Variants in SEMA3E observed in about 807,000 individuals in gnomAD.
SEMA3E encodes the protein semaphorin 3E.
Under a neutral mutation model 93.6 loss-of-function variants are expected in SEMA3E, and 49 were observed. The observed-to-expected ratio is 0.52, with a 90% CI of 0.42 to 0.66. SEMA3E has a LOEUF of 0.66. SEMA3E is among the 30% of genes least tolerant of loss of function. SEMA3E has a pLI of 0.00. For synonymous variants in SEMA3E, 363 were observed against 330.7 expected (o/e 1.10, Z -1.06); for missense variants, 906 against 964.8 (o/e 0.94, Z 0.81).
chr7:83,526,980 C>CT (rs3837130), intron 1 of SEMA3E, among the ~76,000 whole-genome samples: 18,006 of 151,886 alleles, frequency 0.12, 1,390 homozygotes, highest in South Asian at 0.21. Flanking sequence ...GTGTGACCTT[C>CT]TTTGCAAATA....
intron 9 of SEMA3E, 55 bp from the exon 10 acceptor site, chr7:83,402,831 G>C (rs2115628734): frequency 6.6e-7 from 1 of 1,522,526 alleles, no homozygotes; most frequent in East Asian, 2.4e-5. Context: ...AGGTCATCTA[G>C]CCAAATACCC....
At chr7:83,566,892 CA>C (rs1792172574) in intron 1 of SEMA3E, among the ~76,000 whole-genome samples, 1 of 152,102 alleles carries the variant, frequency 6.6e-6, no homozygotes, top group Non-Finnish European at 1.5e-5. Context: ...AACCAAAAAT[CA>C]ATTCATAAAA....
At chr7:83,416,314 A>T (rs1788537594) in intron 5 of SEMA3E, among the ~76,000 whole-genome samples, 1 of 152,144 alleles carries the variant, frequency 6.6e-6, no homozygotes. Context: ...GATGGCAAGC[A>T]CTTCAGATTT....
At chr7:83,460,272 C>T (rs1789583058) in intron 4 of SEMA3E, among the ~76,000 whole-genome samples, 1 of 152,216 alleles carries the variant, frequency 6.6e-6, no homozygotes, top group African/African-American at 2.4e-5. Flanking sequence ...ATCAGGTAAG[C>T]AGCCTCTTCT....
intron 16 of SEMA3E, among the ~76,000 whole-genome samples, chr7:83,372,497 G>T (rs1794762452): frequency 6.6e-6 from 1 of 152,104 alleles, no homozygotes; most frequent in Admixed American, 6.6e-5. Flanking sequence ...ACTAGAATTA[G>T]GGTTGTTTGT....
intron 2 of SEMA3E, among the ~76,000 whole-genome samples, chr7:83,478,077 C>T (rs541929312): frequency 1.4e-4 from 22 of 152,162 alleles, no homozygotes; most frequent in South Asian, 2.1e-4. Flanking sequence ...CCTGCCACCA[C>T]GCCCTGCTAA....
chr7:83,580,697 A>G (rs1792501712), intron 1 of SEMA3E, among the ~76,000 whole-genome samples: 1 of 151,890 alleles, frequency 6.6e-6, no homozygotes. Flanking sequence ...TGCTTCCTTA[A>G]TCCTCTATAT....
intron 1 of SEMA3E, among the ~76,000 whole-genome samples, chr7:83,630,094 G>T (rs1357523983): frequency 6.6e-6 from 1 of 152,118 alleles, no homozygotes; most frequent in Non-Finnish European, 1.5e-5. Flanking sequence ...CCCTGCTTCG[G>T]CTCACCCTCT....
intron 16 of SEMA3E, among the ~76,000 whole-genome samples, chr7:83,378,762 G>T (rs1396636870): frequency 1.3e-5 from 2 of 151,886 alleles, no homozygotes; most frequent in East Asian, 3.9e-4. Flanking sequence ...AGCTCTGGAG[G>T]TACTAACTAG....
chr7:83,621,375 G>A (rs1163627069), intron 1 of SEMA3E, among the ~76,000 whole-genome samples: 2 of 152,090 alleles, frequency 1.3e-5, no homozygotes, highest in Admixed American at 6.6e-5. Flanking sequence ...AACATTCCAC[G>A]CTCAAGGATA....
At chr7:83,368,443 C>A (rs1285421012) in intron 16 of SEMA3E, among the ~76,000 whole-genome samples, 2 of 152,208 alleles carry the variant, frequency 1.3e-5, no homozygotes, top group East Asian at 1.9e-4. Context: ...ATGGACAGAA[C>A]AAATACCACT....
intron 1 of SEMA3E, among the ~76,000 whole-genome samples, chr7:83,543,150 T>C (rs1791573855): frequency 6.6e-6 from 1 of 152,102 alleles, no homozygotes; most frequent in African/African-American, 2.4e-5. Flanking sequence ...TTATTATTAT[T>C]GATAGTCTTG....
chr7:83,378,491 T>A (rs573123883), intron 16 of SEMA3E, among the ~76,000 whole-genome samples: 231 of 151,996 alleles, frequency 1.5e-3, no homozygotes, highest in Non-Finnish European at 2.4e-3. Flanking sequence ...TGTGGATCTC[T>A]CTCTTTGTCA....
intron 1 of SEMA3E, among the ~76,000 whole-genome samples, chr7:83,625,829 A>G (rs1478326701): frequency 6.6e-6 from 1 of 152,104 alleles, no homozygotes; most frequent in African/African-American, 2.4e-5. Flanking sequence ...CCATGATGAT[A>G]CTGGCTGTGG....
At chr7:83,508,891 C>A (rs1270919533) in intron 1 of SEMA3E, among the ~76,000 whole-genome samples, 2 of 152,082 alleles carry the variant, frequency 1.3e-5, no homozygotes, top group African/African-American at 4.8e-5. Flanking sequence ...ACCAAAAAGA[C>A]AAAAACATAC....
At chr7:83,379,614 T>A (rs1158974201) in intron 16 of SEMA3E, among the ~76,000 whole-genome samples, 1 of 151,948 alleles carries the variant, frequency 6.6e-6, no homozygotes, top group Non-Finnish European at 1.5e-5. Flanking sequence ...CTTTGCTTTT[T>A]ATTTCATCAC....
At chr7:83,582,192 AAAAAT>A (rs1792530391) in intron 1 of SEMA3E, among the ~76,000 whole-genome samples, 1 of 150,510 alleles carries the variant, frequency 6.6e-6, no homozygotes, top group African/African-American at 2.4e-5. Context: ...ATTTAAATGT[AAAAAT>A]AAAATTACAT....
intron 1 of SEMA3E, among the ~76,000 whole-genome samples, chr7:83,609,950 C>T (rs2115577507): frequency 6.6e-6 from 1 of 151,762 alleles, no homozygotes; most frequent in African/African-American, 2.4e-5. Context: ...AAGAGACTCC[C>T]CTCTATTTGG....
chr7:83,540,661 C>G (rs11973648), intron 1 of SEMA3E, among the ~76,000 whole-genome samples: 1 of 152,002 alleles, frequency 6.6e-6, no homozygotes, highest in Non-Finnish European at 1.5e-5. Context: ...GTTTTCAACA[C>G]AAATGCAAAA....
Sources: gnomAD v4.1 joint callset for allele counts (sites outside exome capture counted in the v4.1 genomes callset) on GRCh38, gnomAD v4.1.1 for gene constraint, MANE v1.5 for transcripts, NCBI Gene and HGNC (gene_info 2026-07-23, HGNC 2026-07-21) for gene names.